ZNF804B: variants seen among roughly 807,000 people sequenced by gnomAD.
ZNF804B encodes the protein zinc finger 804B.
Under a neutral mutation model 101.4 loss-of-function variants are expected in ZNF804B, and 80 were observed. The observed-to-expected ratio is 0.79, with a 90% confidence interval of 0.66 to 0.95. ZNF804B has a LOEUF of 0.95. Ranked by LOEUF, ZNF804B falls within the 40% of genes least tolerant of loss-of-function variation. The pLI, the probability that ZNF804B is intolerant of heterozygous loss-of-function variation, is 0.00. For missense variants in ZNF804B, 1,673 were observed against 1,561.9 expected (o/e 1.07, Z -1.20); for synonymous variants, 622 against 558.8 (o/e 1.11, Z -1.59).
intron 1 of ZNF804B, among the ~76,000 whole-genome samples, chr7:88,943,140 TC>T (rs1355309244): frequency 6.6e-6 from 1 of 151,930 alleles, no homozygotes; most frequent in African/African-American, 2.4e-5. Context: ...TGCTTAGCTT[TC>T]GTGAATACGG....
At chr7:88,808,875 A>G (rs1790731779) in intron 1 of ZNF804B, among the ~76,000 whole-genome samples, 1 of 152,196 alleles carries the variant, frequency 6.6e-6, no homozygotes, top group Non-Finnish European at 1.5e-5. Flanking sequence ...TAGACTATGC[A>G]TAGGGCTCAA....
rs780952025 is a variant in ZNF804B at position 89,220,140 on chromosome 7, T to TGC, written c.249+1846_249+1847insCG. Among the ~76,000 whole-genome samples, 273 of 85,548 alleles carry TGC rather than the reference T, an allele frequency of 3.2e-3. 18 individuals carry two copies. Among genetic ancestry groups the TGC allele is most frequent in the African/African-American group, 5.3e-3 (107 of 20,228 alleles). The allele number at this position is 85,548 out of a possible 152,430, so 56.1% of individuals were successfully genotyped here. On this transcript the variant is annotated intron_variant, in intron 2 of 3. Coordinates refer to ENST00000333190, the MANE Select transcript of ZNF804B (RefSeq NM_181646.5). ...ACATATATATACGCACACATATATG[T>TGC]GTGTATATACATATATATATACGCA...
chr7:89,255,242 A>G (rs180874275), intron 2 of ZNF804B, among the ~76,000 whole-genome samples: 48 of 152,318 alleles, frequency 3.2e-4, no homozygotes, highest in South Asian at 8.3e-4. Context: ...CTCACTCGCT[A>G]TTATGAGAAC....
chr7:88,856,869 T>C (rs998039555), intron 1 of ZNF804B, among the ~76,000 whole-genome samples: 1 of 152,180 alleles, frequency 6.6e-6, no homozygotes, highest in Non-Finnish European at 1.5e-5. Flanking sequence ...GATAATCGTA[T>C]GTTTTTTGTC....
In ZNF804B at chr7:88,930,384, A is replaced by C. The variant is rs552125182; in HGVS notation, c.108+170300A>C. On this transcript the variant is annotated intron_variant, in intron 1 of 3. Coordinates refer to ENST00000333190, the MANE Select transcript of ZNF804B (RefSeq NM_181646.5). ...ATCACAAACAGCCAGCTAAACCTCCAACAATTTAAAAGGCAACCTACTTCA... is the reference window on the plus strand; with the variant it reads ...ATCACAAACAGCCAGCTAAACCTCCCACAATTTAAAAGGCAACCTACTTCA... Among the ~76,000 whole-genome samples the C allele has an allele frequency of 7.2e-5, 11 of 152,134 alleles. No individual in the cohort carries two copies. In the East Asian group the frequency reaches 1.7e-3, roughly 24 times the overall value.
At chr7:89,329,232 T>C (rs1056146971) in intron 3 of ZNF804B, among the ~76,000 whole-genome samples, 1 of 151,770 alleles carries the variant, frequency 6.6e-6, no homozygotes, top group Non-Finnish European at 1.5e-5. Context: ...GTGTTCAGCT[T>C]TCTAGATATA....
intron 2 of ZNF804B, among the ~76,000 whole-genome samples, chr7:89,233,107 T>C (rs1397073991): frequency 6.6e-6 from 1 of 152,030 alleles, no homozygotes; most frequent in African/African-American, 2.4e-5. Context: ...TTTGTATTTT[T>C]AGTAGAGACG....
At chr7:88,969,382 T>A (rs1329684923) in intron 1 of ZNF804B, among the ~76,000 whole-genome samples, 1 of 151,772 alleles carries the variant, frequency 6.6e-6, no homozygotes, top group Non-Finnish European at 1.5e-5. Flanking sequence ...ATGAGGTTAA[T>A]GCAATGGGTA....
intron 1 of ZNF804B, among the ~76,000 whole-genome samples, chr7:89,196,555 A>T (rs1788556051): frequency 6.6e-6 from 1 of 152,168 alleles, no homozygotes; most frequent in South Asian, 2.1e-4. Context: ...AACATCTGAC[A>T]TAGGCAGAGG....
intron 1 of ZNF804B, among the ~76,000 whole-genome samples, chr7:88,931,225 A>T (rs1792880111): frequency 6.6e-6 from 1 of 151,950 alleles, no homozygotes; most frequent in Non-Finnish European, 1.5e-5. Context: ...AAGTGATCTA[A>T]ATTTAAGAAC....
chr7:89,021,012 G>A (rs148010004), intron 1 of ZNF804B, among the ~76,000 whole-genome samples: 79 of 152,080 alleles, frequency 5.2e-4, no homozygotes, highest in African/African-American at 1.5e-3. Context: ...TTTTGGATAC[G>A]TAATATTTTC....
At position 89,253,920 on chromosome 7, in the gene ZNF804B, G is replaced by A. The variant is rs150051233; in HGVS notation, c.249+35625G>A. On this transcript the variant is annotated intron_variant, in intron 2 of 3. Transcript: ENST00000333190. ...CACCTCATTATTCCTACTTTAGATG[G>A]AGGGGAAAAATTAATATTCAATATC... 5.3e-5 allele frequency among the ~76,000 whole-genome samples: 8 copies of A among 152,150 alleles called. No individual in the cohort carries two copies. The East Asian group carries it at 9.6e-4, about 18-fold the overall frequency.
chr7:89,155,623 C>G (rs776829670), intron 1 of ZNF804B, among the ~76,000 whole-genome samples: 1 of 152,132 alleles, frequency 6.6e-6, no homozygotes, highest in Non-Finnish European at 1.5e-5. Context: ...CAAATGGGGG[C>G]CCTTCATTAT....
intron 2 of ZNF804B, among the ~76,000 whole-genome samples, chr7:89,226,357 A>T (rs914581870): frequency 6.6e-6 from 1 of 152,098 alleles, no homozygotes; most frequent in African/African-American, 2.4e-5. Flanking sequence ...ACATACAATG[A>T]AGAGAGAGTG....
At chr7:89,129,998 A>C (rs1195600411) in intron 1 of ZNF804B, among the ~76,000 whole-genome samples, 1 of 151,980 alleles carries the variant, frequency 6.6e-6, no homozygotes, top group Non-Finnish European at 1.5e-5. Context: ...TTGTGTGTAG[A>C]CTTCTCCTTC....
At chr7:88,977,543 T>C (rs1224722858) in intron 1 of ZNF804B, among the ~76,000 whole-genome samples, 1 of 151,656 alleles carries the variant, frequency 6.6e-6, no homozygotes, top group Non-Finnish European at 1.5e-5. Flanking sequence ...GAGTAGCTCA[T>C]GGTAGTCTCT....
intron 1 of ZNF804B, among the ~76,000 whole-genome samples, chr7:89,121,569 T>C (rs1361046537): frequency 6.6e-6 from 1 of 152,186 alleles, no homozygotes; most frequent in Non-Finnish European, 1.5e-5. Context: ...TGTTAATACT[T>C]TTAAATTACA....
At chr7:89,056,329 A>T (rs1264093981) in intron 1 of ZNF804B, among the ~76,000 whole-genome samples, 23 of 152,086 alleles carry the variant, frequency 1.5e-4, no homozygotes, top group Non-Finnish European at 1.2e-4. Flanking sequence ...CTGAGCTCTA[A>T]GGGAAGTGTC....
At chr7:88,795,135 A>T (rs190595452) in intron 1 of ZNF804B, 2 of 459,292 alleles carry the variant, frequency 4.4e-6, no homozygotes, top group African/African-American at 2.0e-5. Context: ...TCAGGAAACA[A>T]TGTATTTGAA....
Sources: allele counts gnomAD v4.1 joint callset (sites outside exome capture counted in the v4.1 genomes callset), GRCh38; gene constraint gnomAD v4.1.1; transcripts MANE v1.5; gene names NCBI Gene and HGNC (gene_info 2026-07-23, HGNC 2026-07-21).